Variants in SSBP3 observed in about 807,000 individuals in gnomAD.
The protein encoded by SSBP3 is single stranded DNA binding protein 3.
Under a neutral mutation model 69.6 loss-of-function variants are expected in SSBP3, and 5 were observed. The observed-to-expected ratio is 0.07, with a 90% CI of 0.04 to 0.15. SSBP3 has a LOEUF of 0.15. Among genes scored for constraint, SSBP3 ranks in the 10% least tolerant of loss-of-function variants. The pLI is 1.00. For missense variants in SSBP3, 312 were observed against 534.0 expected (o/e 0.58, Z 4.10); for synonymous variants, 196 against 193.4 (o/e 1.01, Z -0.11).
chr1:54,241,407 G>A, intron 12 of SSBP3, 67 bp downstream of exon 12: 6 of 1,553,332 alleles, frequency 3.9e-6, no homozygotes, highest in South Asian at 1.1e-5. Context: ...GGGGACCCCA[G>A]ACCAGTTCTC....
chr1:54,241,643 C>G, intron 11 of SSBP3, 134 bp from the exon 12 acceptor site: 1 of 913,014 alleles, frequency 1.1e-6, no homozygotes, highest in South Asian at 1.5e-5. Flanking sequence ...CACTTGGTTC[C>G]CCTGGGAGGG....
chr1:54,234,724 T>C (rs1019177785), intron 14 of SSBP3, among the ~76,000 whole-genome samples: 1 of 152,140 alleles, frequency 6.6e-6, no homozygotes, highest in Non-Finnish European at 1.5e-5. Context: ...GGTCTCTGAA[T>C]TGCCTGAAGC....
At chr1:54,256,350 C>T (rs777697957) in intron 7 of SSBP3, among the ~76,000 whole-genome samples, 5 of 152,160 alleles carry the variant, frequency 3.3e-5, no homozygotes, top group African/African-American at 7.2e-5. Context: ...TGATGTTTCT[C>T]GAAAAGTTTC....
intron 5 of SSBP3, among the ~76,000 whole-genome samples, chr1:54,279,473 G>A (rs1034938690): frequency 6.6e-6 from 1 of 152,186 alleles, no homozygotes; most frequent in African/African-American, 2.4e-5. Context: ...GAAGCCAATG[G>A]CCTATTTTTA....
intron 4 of SSBP3, among the ~76,000 whole-genome samples, chr1:54,294,152 AAAAAAAAAAAG>A (rs1645657815): frequency 9.9e-6 from 1 of 100,568 alleles, no homozygotes; most frequent in African/African-American, 3.5e-5. Context: ...CAAAAAAAAA[AAAAAAAAAAAG>A]AAAGAAAGAA....
chr1:54,226,674 T>C (rs565179098), exon 18 of SSBP3: 1 of 153,544 alleles, frequency 6.5e-6, no homozygotes, highest in Non-Finnish European at 1.4e-5. Context: ...TTCCTTTTTT[T>C]TTTTTTTTAA....
intron 14 of SSBP3, among the ~76,000 whole-genome samples, chr1:54,231,343 A>G (rs1644376274): frequency 1.3e-5 from 2 of 152,198 alleles, no homozygotes; most frequent in African/African-American, 2.4e-5. Context: ...TTTTTGGAGA[A>G]ATGTCCATTT....
chr1:54,297,042 G>A (rs984026284), intron 4 of SSBP3, among the ~76,000 whole-genome samples: 2 of 152,204 alleles, frequency 1.3e-5, no homozygotes, highest in Non-Finnish European at 2.9e-5. Flanking sequence ...GACACGAACA[G>A]TTAAGTGTCT....
chr1:54,245,306 AG>A (rs1557455357), intron 9 of SSBP3, among the ~76,000 whole-genome samples: 11 of 152,212 alleles, frequency 7.2e-5, no homozygotes, highest in Admixed American at 6.5e-4. Flanking sequence ...TGAAGGTCTG[AG>A]GGAGAAAGTT....
chr1:54,373,385 G>T (rs1223822983), intron 4 of SSBP3, among the ~76,000 whole-genome samples: 3 of 152,146 alleles, frequency 2.0e-5, no homozygotes, highest in Non-Finnish European at 4.4e-5. Context: ...ACAGAGTTGA[G>T]AAGGGTTACA....
At chr1:54,333,168 C>A (rs960742339) in intron 4 of SSBP3, among the ~76,000 whole-genome samples, 1 of 152,126 alleles carries the variant, frequency 6.6e-6, no homozygotes, top group African/African-American at 2.4e-5. Context: ...GCCCTGGGAG[C>A]CAGCCAGCTA....
intron 4 of SSBP3, among the ~76,000 whole-genome samples, chr1:54,360,318 GA>G (rs1162816275): frequency 6.6e-6 from 1 of 152,216 alleles, no homozygotes; most frequent in Non-Finnish European, 1.5e-5. Flanking sequence ...CCGAAGATCA[GA>G]ATGTTTGTCT....
At chr1:54,409,924 T>C (rs1214177352), upstream of SSBP3, among the ~76,000 whole-genome samples, 1 of 152,196 alleles carries the variant, frequency 6.6e-6, no homozygotes, top group Non-Finnish European at 1.5e-5. Context: ...AGACTCCCAC[T>C]AACACTTCTC....
intron 4 of SSBP3, among the ~76,000 whole-genome samples, chr1:54,294,658 T>G (rs1311515892): frequency 1.3e-5 from 2 of 152,184 alleles, no homozygotes; most frequent in Non-Finnish European, 2.9e-5. Flanking sequence ...CTCTGTGGGT[T>G]ACTGAGACCT....
In SSBP3 at chr1:54,258,746, G is replaced by A. The variant is rs1452516637; in HGVS notation, c.367-597C>T. On this transcript the variant is annotated intron_variant, in intron 5 of 17. Coordinates refer to ENST00000610401, the Ensembl canonical transcript of SSBP3. This position sits in a 1 kb window ranked among gnomAD's most constrained non-coding sequence, Gnocchi z 4.5. ...AACAACAGAGGCAAGAGGAGCAAGG[G>A]GCACCACAGATGTAACACACAGGGA... Among the ~76,000 whole-genome samples, 2 of 152,168 alleles carry A rather than the reference G, an allele frequency of 1.3e-5. No homozygotes were observed. Among genetic ancestry groups the A allele is most frequent in the Non-Finnish European group, 2.9e-5 (2 of 68,028 alleles).
exon 18 of SSBP3, chr1:54,226,748 TCCCCCAAAAAAC>T: frequency 5.1e-6 from 1 of 194,226 alleles, no homozygotes; most frequent in South Asian, 8.1e-5. Flanking sequence ...AAAAAAATTT[TCCCCCAAAAAAC>T]CCCCCTGAAA....
intron 5 of SSBP3, among the ~76,000 whole-genome samples, chr1:54,263,437 A>C (rs1645049348): frequency 6.6e-6 from 1 of 152,148 alleles, no homozygotes; most frequent in Admixed American, 6.5e-5. Flanking sequence ...TCTGAGCCTC[A>C]CTGCCCTCAT....
At chr1:54,290,941 A>G (rs1343458193) in intron 4 of SSBP3, among the ~76,000 whole-genome samples, 1 of 152,186 alleles carries the variant, frequency 6.6e-6, no homozygotes, top group Admixed American at 6.5e-5. Context: ...ACACACGCAC[A>G]CACACACATT....
chr1:54,293,438 C>T (rs931771009), intron 4 of SSBP3, among the ~76,000 whole-genome samples: 1 of 152,268 alleles, frequency 6.6e-6, no homozygotes, highest in Admixed American at 6.5e-5. Context: ...CCTACTCATG[C>T]CACCCATCGA....
Sources: gnomAD v4.1 joint callset for allele counts (sites outside exome capture counted in the v4.1 genomes callset) on GRCh38, gnomAD v4.1.1 for gene constraint, Gnocchi (gnomAD v3.1) non-coding constraint, MANE v1.5 for transcripts, NCBI Gene and HGNC (gene_info 2026-07-23, HGNC 2026-07-21) for gene names.